KCNB2: variants seen among roughly 807,000 people sequenced by gnomAD.
KCNB2 encodes the protein potassium voltage-gated channel subfamily B member 2.
In KCNB2, 15 loss-of-function variants were observed where a neutral mutation model predicts 61.5. That is an observed-to-expected ratio of 0.24 (90% CI 0.16 to 0.38). KCNB2 has a LOEUF of 0.38. Ranked by LOEUF, KCNB2 falls within the 10% of genes least tolerant of loss-of-function variation. KCNB2 has a pLI of 1.00. For missense variants in KCNB2, 828 were observed against 1,125.2 expected (o/e 0.74, Z 3.78); for synonymous variants, 457 against 446.0 (o/e 1.02, Z -0.31).
chr8:72,748,646 A>G (rs1204613234), intron 2 of KCNB2, among the ~76,000 whole-genome samples: 2 of 143,942 alleles, frequency 1.4e-5, no homozygotes, highest in Non-Finnish European at 3.0e-5. Flanking sequence ...GCCAAAAACC[A>G]TGGAGTTTTA....
At chr8:72,571,226 G>A (rs1460379992) in intron 2 of KCNB2, among the ~76,000 whole-genome samples, 1 of 152,132 alleles carries the variant, frequency 6.6e-6, no homozygotes, top group Non-Finnish European at 1.5e-5. Flanking sequence ...CATGCTATAT[G>A]CATCCCCTAT....
intron 2 of KCNB2, among the ~76,000 whole-genome samples, chr8:72,863,624 A>G (rs1231336727): frequency 6.6e-6 from 1 of 152,262 alleles, no homozygotes; most frequent in Non-Finnish European, 1.5e-5. Flanking sequence ...CATACACAGG[A>G]CATTCCTTTA....
At chr8:72,716,445 A>T (rs1014315389) in intron 2 of KCNB2, among the ~76,000 whole-genome samples, 3 of 152,204 alleles carry the variant, frequency 2.0e-5, no homozygotes, top group African/African-American at 7.2e-5. Flanking sequence ...CCAGCAACCC[A>T]TCAAAAAGCT....
chr8:72,737,741 G>A (rs540932100), intron 2 of KCNB2, among the ~76,000 whole-genome samples: 5 of 152,230 alleles, frequency 3.3e-5, no homozygotes, highest in African/African-American at 1.2e-4. Flanking sequence ...TCTTGCTGTA[G>A]GTTGAAGAAC....
At chr8:72,926,253 G>A (rs1563426641) in intron 2 of KCNB2, among the ~76,000 whole-genome samples, 1 of 152,042 alleles carries the variant, frequency 6.6e-6, no homozygotes, top group East Asian at 1.9e-4. Flanking sequence ...AATAAATGTT[G>A]AAGGAAAAAG....
intron 2 of KCNB2, among the ~76,000 whole-genome samples, chr8:72,932,417 T>C (rs1283342913): frequency 1.3e-5 from 2 of 152,056 alleles, no homozygotes; most frequent in African/African-American, 4.8e-5. Context: ...GGTGCTGGGG[T>C]GGTTACCCTT....
intron 2 of KCNB2, among the ~76,000 whole-genome samples, chr8:72,852,079 T>TA (rs66807872): frequency 1.8e-4 from 28 of 151,550 alleles, no homozygotes; most frequent in Middle Eastern, 3.4e-3. Flanking sequence ...TAAAAAAATT[T>TA]AAAAAATAAA....
chr8:72,799,147 A>G (rs1809081153), intron 2 of KCNB2, among the ~76,000 whole-genome samples: 1 of 152,180 alleles, frequency 6.6e-6, no homozygotes, highest in African/African-American at 2.4e-5. Context: ...TCTCACCTCT[A>G]TAGATGGCCC....
rs997427287 is a variant in KCNB2 at position 72,935,814 on chromosome 8, T to C, written c.580-121T>C. On this transcript the variant is annotated intron_variant, in intron 2 of 2. Coordinates refer to ENST00000523207, the MANE Select transcript of KCNB2 (RefSeq NM_004770.3). ...ATTTTAAGTTGTAAAATTACCTTCTTATAATCTTCTTGGAAGAACTTGGAG... is the reference window on the plus strand; with the variant it reads ...ATTTTAAGTTGTAAAATTACCTTCTCATAATCTTCTTGGAAGAACTTGGAG... The C allele has an allele frequency of 3.2e-5, 23 of 727,240 alleles. No homozygotes were observed. In the African/African-American group the frequency reaches 3.6e-4, roughly 11 times the overall value. 45.0% of individuals were successfully genotyped at this position (727,240 alleles called of 1,614,324 possible).
chr8:72,572,059 G>A (rs111810860), intron 2 of KCNB2, among the ~76,000 whole-genome samples: 9 of 152,170 alleles, frequency 5.9e-5, no homozygotes, highest in African/African-American at 2.2e-4. Context: ...CTCAGCCTTC[G>A]GGATGAAACA....
chr8:72,815,215 G>T (rs540564465), intron 2 of KCNB2, among the ~76,000 whole-genome samples: 1 of 152,140 alleles, frequency 6.6e-6, no homozygotes, highest in Non-Finnish European at 1.5e-5. Flanking sequence ...AATGGAAATG[G>T]AAGGAGTAAA....
intron 2 of KCNB2, among the ~76,000 whole-genome samples, chr8:72,583,476 C>CA (rs899783433): frequency 8.7e-4 from 129 of 148,528 alleles, no homozygotes; most frequent in African/African-American, 2.7e-3. Context: ...AAAAAAAAAA[C>CA]AAAAAAAAAC....
At chr8:72,580,251 C>T (rs553449728) in intron 2 of KCNB2, among the ~76,000 whole-genome samples, 1 of 152,152 alleles carries the variant, frequency 6.6e-6, no homozygotes, top group African/African-American at 2.4e-5. Flanking sequence ...AGTTTGCCAA[C>T]CACTACTTTA....
chr8:72,849,585 AAG>A (rs1164471472), intron 2 of KCNB2, among the ~76,000 whole-genome samples: 4 of 152,350 alleles, frequency 2.6e-5, no homozygotes, highest in Admixed American at 1.3e-4. Context: ...TCACTTAAAA[AAG>A]AGAATATAAA....
At chr8:72,703,119 G>C (rs575455348) in intron 2 of KCNB2, among the ~76,000 whole-genome samples, 41 of 152,300 alleles carry the variant, frequency 2.7e-4, no homozygotes, top group African/African-American at 9.6e-4. Context: ...CAACATCAGC[G>C]TATAGAAATT....
chr8:72,692,544 T>G (rs1806955746), intron 2 of KCNB2, among the ~76,000 whole-genome samples: 1 of 152,104 alleles, frequency 6.6e-6, no homozygotes, highest in Non-Finnish European at 1.5e-5. Flanking sequence ...TGTCTAACAT[T>G]ATGCCAACAT....
rs573621080 is a variant in KCNB2 at position 72,828,843 on chromosome 8, A to C, written c.580-107092A>C. Among the ~76,000 whole-genome samples the C allele has an allele frequency of 7.2e-5, 11 of 152,320 alleles. No individual in the cohort carries two copies. In the South Asian group the frequency reaches 2.3e-3, roughly 32 times the overall value. On this transcript the variant is annotated intron_variant, in intron 2 of 2. Transcript: ENST00000523207. ...CTAGTGCATTTCCCTTCTAGCACTCAAAGAAAGCTTAACATTTTTGACAGT... is the reference window on the plus strand; with the variant it reads ...CTAGTGCATTTCCCTTCTAGCACTCCAAGAAAGCTTAACATTTTTGACAGT...
At chr8:72,823,596 A>C (rs1809547900) in intron 2 of KCNB2, among the ~76,000 whole-genome samples, 1 of 152,220 alleles carries the variant, frequency 6.6e-6, no homozygotes, top group Non-Finnish European at 1.5e-5. Context: ...CAAGTTGTTG[A>C]AACTAAATTC....
chr8:72,614,219 T>C (rs1228570895), intron 2 of KCNB2, among the ~76,000 whole-genome samples: 7 of 152,212 alleles, frequency 4.6e-5, no homozygotes, highest in Non-Finnish European at 2.9e-5. Context: ...TAGATATTGA[T>C]TGGATGCCAA....
Sources: allele counts gnomAD v4.1 joint callset (sites outside exome capture counted in the v4.1 genomes callset), GRCh38; gene constraint gnomAD v4.1.1; transcripts MANE v1.5; gene names NCBI Gene and HGNC (gene_info 2026-07-23, HGNC 2026-07-21).